The following RAPH1 variants were observed in gnomAD, a reference collection of about 807,000 sequenced individuals.
RAPH1 encodes the protein Ras association (RalGDS/AF-6) and pleckstrin homology domains 1, also known as ras-associated and pleckstrin homology domains-containing protein 1.
A neutral mutation model predicts 88.1 loss-of-function variants in RAPH1; 18 were observed. That is an observed-to-expected ratio of 0.20 (90% confidence interval 0.14 to 0.30). The LOEUF (loss-of-function observed/expected upper bound fraction) is 0.30, where lower values mean the gene tolerates loss of function less well. Ranked by LOEUF, RAPH1 falls within the 10% of genes least tolerant of loss-of-function variation. The pLI, the probability that RAPH1 is intolerant of heterozygous loss-of-function variation, is 1.00. For missense variants in RAPH1, 1,448 were observed against 1,543.2 expected (o/e 0.94, Z 1.03); for synonymous variants, 587 against 559.0 (o/e 1.05, Z -0.71).
At chr2:203,506,753 T>G (rs1243263394) in intron 1 of RAPH1, among the ~76,000 whole-genome samples, 6 of 130,978 alleles carry the variant, frequency 4.6e-5, no homozygotes, top group Non-Finnish European at 7.8e-5. Context: ...TATATATATA[T>G]ATATCTATAT....
chr2:203,489,308 G>A (rs1268703364), intron 4 of RAPH1, among the ~76,000 whole-genome samples: 3 of 151,994 alleles, frequency 2.0e-5, no homozygotes, highest in African/African-American at 4.8e-5. Context: ...TTCAAATCAC[G>A]TGAAATGACT....
At position 203,445,213 on chromosome 2, in the gene RAPH1, A is replaced by G. The variant is rs2098508394; in HGVS notation, c.1634-203T>C. On this transcript the variant is annotated intron_variant, in intron 12 of 13. Transcript: ENST00000319170. Reference sequence around the variant, plus strand: ...CCTTGGAATTAAGAAATCTCAGATTAGTGTTAAATATTTCACCATGAGAGA... The same window carrying G: ...CCTTGGAATTAAGAAATCTCAGATTGGTGTTAAATATTTCACCATGAGAGA... The G allele has an allele frequency of 6.3e-6, 3 of 473,734 alleles. No individual in the cohort carries two copies. In the Admixed American group the frequency reaches 1.1e-4, roughly 18 times the overall value. 29.3% of individuals were successfully genotyped at this position (473,734 alleles called of 1,614,324 possible). A position where few individuals can be genotyped will look rare whatever the true frequency, so the allele number is the denominator to read the frequency against.
At chr2:203,453,830 C>G (rs1010679086) in intron 10 of RAPH1, among the ~76,000 whole-genome samples, 2 of 151,742 alleles carry the variant, frequency 1.3e-5, no homozygotes, top group Non-Finnish European at 2.9e-5. Flanking sequence ...TCTAATAGAT[C>G]ACTATAAATT....
chr2:203,495,817 G>C (rs1057187773), intron 1 of RAPH1, among the ~76,000 whole-genome samples: 1 of 152,108 alleles, frequency 6.6e-6, no homozygotes, highest in African/African-American at 2.4e-5. Flanking sequence ...AGTCCAACAA[G>C]TATTTAAGAG....
chr2:203,530,284 G>A (rs1690330182), intron 1 of RAPH1, among the ~76,000 whole-genome samples: 1 of 152,122 alleles, frequency 6.6e-6, no homozygotes, highest in African/African-American at 2.4e-5. Context: ...AATATATAAA[G>A]CTGGCAAAAG....
rs185638275 is a variant in RAPH1, at chr2:203,506,515, G to A, written c.1-11162C>T. On this transcript the variant is annotated intron_variant, in intron 1 of 13. Transcript: ENST00000319170. ...AGCCTGGGCAACAGAGCGAGACTCC[G>A]TCTCAAAAAAAAACAAAAAACAAAA... Among the ~76,000 whole-genome samples the A allele has an allele frequency of 7.1e-3, 1,059 of 149,910 alleles. 10 individuals are homozygous for A. The highest frequency in any genetic ancestry group is 0.012 in the Non-Finnish European group (788 of 67,666).
intron 2 of RAPH1, 103 bp from the exon 3 acceptor site, chr2:203,491,422 TA>T: frequency 1.5e-6 from 1 of 678,206 alleles, no homozygotes; most frequent in South Asian, 2.3e-5. Flanking sequence ...ACACTATAAT[TA>T]ATTAAACCAA....
intron 1 of RAPH1, among the ~76,000 whole-genome samples, chr2:203,528,336 G>C (rs1405501125): frequency 6.6e-6 from 1 of 151,902 alleles, no homozygotes; most frequent in Admixed American, 6.6e-5. Context: ...CTTTTTAAAT[G>C]CCTTCCAAAC....
At position 203,441,372 on chromosome 2, in the gene RAPH1, C is replaced by T. The variant is rs781528685; in HGVS notation, c.1818G>A (p.Val606=). ...TCTTAGGTTGCGGGGATAAAGGGGG[C>T]ACAAGTGAAGTGTAGGGCCGATTCA... The part of the protein sequence containing the change: ...ESMNRPYTSL[V]PPLSPQPKIV... Residue 606 remains valine (V), a synonymous_variant, in exon 14 of 14, where the codon GTG becomes GTA. Transcript: ENST00000319170. 15 of 1,572,864 alleles carry T rather than the reference C, an allele frequency of 9.5e-6. 1 individual carries two copies. The South Asian group carries it at 1.5e-4, about 15-fold the overall frequency.
At chr2:203,528,979 CTA>C (rs71408946) in intron 1 of RAPH1, among the ~76,000 whole-genome samples, 5,965 of 61,004 alleles carry the variant, frequency 0.098, 685 homozygotes, top group South Asian at 0.27. Flanking sequence ...GGTTGTTTTG[CTA>C]TATATATATA....
intron 1 of RAPH1, among the ~76,000 whole-genome samples, chr2:203,524,016 T>G (rs1384382389): frequency 6.6e-6 from 1 of 151,696 alleles, no homozygotes; most frequent in Non-Finnish European, 1.5e-5. Context: ...AAGTAAAAAA[T>G]AAAAAAGACA....
intron 1 of RAPH1, among the ~76,000 whole-genome samples, chr2:203,516,116 AG>A (rs1192204057): frequency 6.0e-4 from 92 of 152,326 alleles, no homozygotes; most frequent in African/African-American, 2.2e-3. Flanking sequence ...TTCAAAAGAC[AG>A]GAGAGAGGAA....
chr2:203,457,281 G>A (rs538407569), intron 8 of RAPH1, among the ~76,000 whole-genome samples: 5 of 151,996 alleles, frequency 3.3e-5, no homozygotes, highest in East Asian at 3.9e-4. Flanking sequence ...TCCGCATCCC[G>A]GGTTCAAGCA....
Position 203,495,622 on chromosome 2 carries a change from A to G in RAPH1, c.1-269T>C, listed in dbSNP as rs371708482. ...TGACCAGAATCGCATTACTAAAAAAATTAACAGAGCACCCCTTTCAATCAG... is the reference window on the plus strand; with the variant it reads ...TGACCAGAATCGCATTACTAAAAAAGTTAACAGAGCACCCCTTTCAATCAG... On this transcript the variant is annotated intron_variant, in intron 1 of 13. Coordinates refer to ENST00000319170, the MANE Select transcript of RAPH1 (RefSeq NM_213589.3). Among the ~76,000 whole-genome samples, 30 of 152,276 alleles carry G rather than the reference A, an allele frequency of 2.0e-4. 1 individual carries two copies. In the South Asian group the frequency reaches 6.0e-3, roughly 31 times the overall value.
intron 4 of RAPH1, among the ~76,000 whole-genome samples, chr2:203,472,376 C>A (rs1324232192): frequency 6.6e-6 from 1 of 152,172 alleles, no homozygotes; most frequent in East Asian, 1.9e-4. Context: ...AGGTGATCCG[C>A]CCGCCTTGGC....
At chr2:203,512,513 T>C (rs1022995554) in intron 1 of RAPH1, among the ~76,000 whole-genome samples, 3 of 151,876 alleles carry the variant, frequency 2.0e-5, no homozygotes, top group African/African-American at 7.3e-5. Flanking sequence ...AGATAGAATT[T>C]AACAGTCAAA....
Position 203,441,309 on chromosome 2 carries a change from AGGT to A in RAPH1, c.1878_1880del (p.Pro627del). The A allele has an allele frequency of 6.7e-7, 1 of 1,500,984 alleles. No individual in the cohort carries two copies. Among genetic ancestry groups the A allele is most frequent in the South Asian group, 1.3e-5 (1 of 74,574 alleles). 93.0% of individuals were successfully genotyped at this position (1,500,984 alleles called of 1,614,324 possible). A position where few individuals can be genotyped will look rare whatever the true frequency, so the allele number is the denominator to read the frequency against. ...GAGGTGGGGGTGGCGGAGGAGGTAG[AGGT>A]GGTGAAGGCTGTGAAGCAGTGTAGG... On this transcript the variant is annotated inframe_deletion, in exon 14 of 14. Transcript: ENST00000319170.
At chr2:203,489,275 G>A (rs1688134095) in intron 4 of RAPH1, among the ~76,000 whole-genome samples, 1 of 152,022 alleles carries the variant, frequency 6.6e-6, no homozygotes, top group South Asian at 2.1e-4. Flanking sequence ...ATAACTAAAT[G>A]GTTTTGTGAA....
intron 13 of RAPH1, chr2:203,442,001 T>C (rs1050289866): frequency 1.3e-6 from 2 of 1,545,586 alleles, no homozygotes; most frequent in African/African-American, 2.8e-5. Context: ...ACACTCGTGT[T>C]GGTGTGAGAC....
Sources: gnomAD v4.1 joint callset for allele counts (sites outside exome capture counted in the v4.1 genomes callset) on GRCh38, gnomAD v4.1.1 for gene constraint, MANE v1.5 for transcripts, NCBI Gene and HGNC (gene_info 2026-07-23, HGNC 2026-07-21) for gene names.